JAM2: variants seen among roughly 807,000 people sequenced by gnomAD.
The protein encoded by JAM2 is junctional adhesion molecule B.
JAM2 carries 17 observed loss-of-function variants against 42.0 expected under a neutral mutation model. That is an observed-to-expected ratio of 0.40 (90% CI 0.28 to 0.61). The LOEUF is 0.61. Among genes scored for constraint, JAM2 ranks in the 20% least tolerant of loss-of-function variants. JAM2 has a pLI of 0.37. For missense variants in JAM2, 319 were observed against 358.3 expected (o/e 0.89, Z 0.89); for synonymous variants, 118 against 128.6 (o/e 0.92, Z 0.56).
chr21:25,687,169 G>A (rs968891729), intron 2 of JAM2, among the ~76,000 whole-genome samples: 1 of 152,112 alleles, frequency 6.6e-6, no homozygotes, highest in Admixed American at 6.5e-5. Flanking sequence ...ATAACTAAGA[G>A]AAATTCTTCA....
chr21:25,691,376 T>C (rs192557393), intron 3 of JAM2, among the ~76,000 whole-genome samples: 2 of 152,324 alleles, frequency 1.3e-5, no homozygotes, highest in East Asian at 1.9e-4. Flanking sequence ...ATTTGAGCCA[T>C]TGTACCTGCC....
intron 9 of JAM2, chr21:25,714,189 C>A: frequency 7.7e-7 from 1 of 1,302,434 alleles, no homozygotes. Flanking sequence ...AGTTAATTCC[C>A]CATAAAACAA....
At chr21:25,666,315 T>TTTATTATTATTA (rs35684752) in intron 1 of JAM2, among the ~76,000 whole-genome samples, 3,467 of 146,570 alleles carry the variant, frequency 0.024, 58 homozygotes, top group Admixed American at 0.031. Context: ...TGTTACGGCT[T>TTTATTATTATTA]TTATTATTAT....
chr21:25,698,243 T>C (rs1379680634), intron 4 of JAM2, among the ~76,000 whole-genome samples: 1 of 152,220 alleles, frequency 6.6e-6, no homozygotes, highest in Non-Finnish European at 1.5e-5. Context: ...CTTTATTTCA[T>C]GAAATCATTA....
intron 7 of JAM2, among the ~76,000 whole-genome samples, chr21:25,708,413 A>T (rs7279659): frequency 0.094 from 14,286 of 152,062 alleles, 716 homozygotes; most frequent in Middle Eastern, 0.15. Context: ...TACAAAAAAT[A>T]AAAAATAAGC....
intron 1 of JAM2, among the ~76,000 whole-genome samples, chr21:25,642,237 C>A (rs757910079): frequency 7.2e-5 from 11 of 152,104 alleles, no homozygotes; most frequent in Non-Finnish European, 1.3e-4. Context: ...TATGCTCCAT[C>A]TCCTTGAAGG....
At chr21:25,706,237 G>A in intron 7 of JAM2, 151 bp downstream of exon 7, 1 of 587,044 alleles carries the variant, frequency 1.7e-6, no homozygotes, top group Non-Finnish European at 3.1e-6. Flanking sequence ...GGAGTGCAGT[G>A]GTGGCAAAAT....
chr21:25,667,958 G>C (rs890189394), intron 1 of JAM2, among the ~76,000 whole-genome samples: 6 of 152,218 alleles, frequency 3.9e-5, no homozygotes, highest in Non-Finnish European at 8.8e-5. Flanking sequence ...AAGGTGAGCT[G>C]AAGGTGAGCT....
chr21:25,659,611 A>T (rs749153582), intron 1 of JAM2, among the ~76,000 whole-genome samples: 3 of 152,182 alleles, frequency 2.0e-5, no homozygotes, highest in Admixed American at 6.5e-5. Context: ...TTTAATTAAT[A>T]TGAGACTTTT....
intron 8 of JAM2, chr21:25,711,660 A>G (rs987987028): frequency 7.3e-6 from 2 of 273,758 alleles, no homozygotes; most frequent in African/African-American, 4.5e-5. Context: ...GGGTAGCTGG[A>G]AAGTGTTGCT....
At chr21:25,705,081 T>C (rs1003128683) in intron 6 of JAM2, among the ~76,000 whole-genome samples, 2 of 152,248 alleles carry the variant, frequency 1.3e-5, no homozygotes, top group Admixed American at 6.5e-5. Flanking sequence ...AGAATTTAAT[T>C]CATTTTTCAT....
At chr21:25,694,534 A>G (rs1460218113) in intron 4 of JAM2, among the ~76,000 whole-genome samples, 1 of 152,182 alleles carries the variant, frequency 6.6e-6, no homozygotes, top group East Asian at 1.9e-4. Context: ...TAGTTTCTAT[A>G]AGAATCATGG....
chr21:25,666,683 C>T (rs1156925595), intron 1 of JAM2, among the ~76,000 whole-genome samples: 1 of 151,972 alleles, frequency 6.6e-6, no homozygotes, highest in Non-Finnish European at 1.5e-5. Flanking sequence ...ACAACAGGAG[C>T]ACATACCATG....
chr21:25,640,195 C>CAG (rs1438188761), intron 1 of JAM2, among the ~76,000 whole-genome samples: 1 of 152,216 alleles, frequency 6.6e-6, no homozygotes, highest in Non-Finnish European at 1.5e-5. Flanking sequence ...AGTTTTCAGA[C>CAG]AGAGGGACGT....
chr21:25,675,841 A>C (rs1235796061), intron 1 of JAM2, among the ~76,000 whole-genome samples: 1 of 152,194 alleles, frequency 6.6e-6, no homozygotes, highest in Admixed American at 6.5e-5. Context: ...CACAGATCTA[A>C]ACCATATCAG....
At chr21:25,673,590 G>A (rs1488103637) in intron 1 of JAM2, among the ~76,000 whole-genome samples, 2 of 152,158 alleles carry the variant, frequency 1.3e-5, no homozygotes, top group East Asian at 3.9e-4. Flanking sequence ...GGTTGAAAAT[G>A]GCTATGAAGC....
At chr21:25,670,126 C>G (rs984975900) in intron 1 of JAM2, among the ~76,000 whole-genome samples, 6 of 152,184 alleles carry the variant, frequency 3.9e-5, no homozygotes, top group Non-Finnish European at 1.5e-5. Flanking sequence ...AGACTTTTGC[C>G]TACCATATCT....
intron 4 of JAM2, among the ~76,000 whole-genome samples, chr21:25,696,249 G>A (rs893423824): frequency 1.3e-5 from 2 of 152,168 alleles, no homozygotes; most frequent in African/African-American, 2.4e-5. Flanking sequence ...CCAGTCAGGC[G>A]TGGCGGCGCG....
chr21:25,651,031 A>G (rs897374677), intron 1 of JAM2, among the ~76,000 whole-genome samples: 18 of 149,808 alleles, frequency 1.2e-4, no homozygotes, highest in African/African-American at 3.9e-4. Context: ...AAATAGGTAA[A>G]TAAATAAATA....
Sources: gnomAD v4.1 joint callset for allele counts (sites outside exome capture counted in the v4.1 genomes callset) on GRCh38, gnomAD v4.1.1 for gene constraint, MANE v1.5 for transcripts, NCBI Gene and HGNC (gene_info 2026-07-23, HGNC 2026-07-21) for gene names.